SEMA3A: variants seen among roughly 807,000 people sequenced by gnomAD.
SEMA3A encodes the protein semaphorin-3A.
In SEMA3A, 29 loss-of-function variants were observed where a neutral mutation model predicts 97.9. That is an observed-to-expected ratio of 0.30 (90% CI 0.22 to 0.40). SEMA3A has a LOEUF of 0.40. Among genes scored for constraint, SEMA3A ranks in the 10% least tolerant of loss-of-function variants. The probability of loss-of-function intolerance (pLI) is 1.00; values close to 1 mark genes in which losing one functional copy is unlikely to be tolerated. For missense variants in SEMA3A, 763 were observed against 951.3 expected (o/e 0.80, Z 2.60); for synonymous variants, 321 against 323.7 (o/e 0.99, Z 0.09).
intron 3 of SEMA3A, among the ~76,000 whole-genome samples, chr7:84,251,328 G>A (rs10954751): frequency 0.35 from 52,463 of 151,986 alleles, 10,248 homozygotes; most frequent in Middle Eastern, 0.46. Flanking sequence ...TGGAATTTCC[G>A]ATTGAGGAAT....
At chr7:84,420,586 T>TTGATAAA (rs1475220180) in intron 1 of SEMA3A, among the ~76,000 whole-genome samples, 54 of 152,042 alleles carry the variant, frequency 3.6e-4, no homozygotes, top group African/African-American at 1.2e-3. Flanking sequence ...CAAAAACTTT[T>TTGATAAA]CTTATTTGAT....
intron 2 of SEMA3A, among the ~76,000 whole-genome samples, chr7:84,316,829 C>T (rs1173931856): frequency 6.6e-6 from 1 of 152,032 alleles, no homozygotes; most frequent in African/African-American, 2.4e-5. Context: ...ACAATCAAGC[C>T]GATTAAACTG....
At chr7:84,195,743 C>A (rs1798211432), upstream of SEMA3A, among the ~76,000 whole-genome samples, 1 of 152,144 alleles carries the variant, frequency 6.6e-6, no homozygotes, top group Admixed American at 6.6e-5. Flanking sequence ...TTCAATGCAT[C>A]ACATCTCATT....
At chr7:84,410,320 A>G (rs1190488916) in intron 1 of SEMA3A, among the ~76,000 whole-genome samples, 1 of 150,236 alleles carries the variant, frequency 6.7e-6, no homozygotes, top group African/African-American at 2.5e-5. Context: ...GTTTTTCATC[A>G]GGGGGTCATT....
intron 3 of SEMA3A, among the ~76,000 whole-genome samples, chr7:84,225,448 C>G (rs1360121779): frequency 2.4e-4 from 36 of 152,084 alleles, no homozygotes; most frequent in Non-Finnish European, 5.9e-5. Flanking sequence ...TTTGCGTGAC[C>G]CATACGAAAG....
At chr7:84,026,380 T>G (rs1791544471) in intron 6 of SEMA3A, among the ~76,000 whole-genome samples, 1 of 152,334 alleles carries the variant, frequency 6.6e-6, no homozygotes, top group East Asian at 1.9e-4. Context: ...ATTTTTCACT[T>G]ATTTATTTGT....
intron 4 of SEMA3A, among the ~76,000 whole-genome samples, chr7:84,103,624 T>A (rs1268997397): frequency 6.6e-6 from 1 of 152,066 alleles, no homozygotes; most frequent in Admixed American, 6.5e-5. Flanking sequence ...TTCTTATATT[T>A]TAAAAAAATA....
chr7:84,225,888 G>A (rs1798978899), intron 3 of SEMA3A, among the ~76,000 whole-genome samples: 1 of 152,108 alleles, frequency 6.6e-6, no homozygotes, highest in Non-Finnish European at 1.5e-5. Context: ...GAAGATTAAT[G>A]GGCTAATTTC....
chr7:84,352,844 T>C (rs1802468427), intron 2 of SEMA3A, among the ~76,000 whole-genome samples: 1 of 151,886 alleles, frequency 6.6e-6, no homozygotes, highest in African/African-American at 2.4e-5. Flanking sequence ...ATTCATTACA[T>C]CCACAACTAT....
intron 5 of SEMA3A, among the ~76,000 whole-genome samples, chr7:84,051,779 G>GT (rs757453503): frequency 2.7e-3 from 415 of 152,098 alleles, no homozygotes; most frequent in Non-Finnish European, 3.0e-3. Context: ...GGGCATCCCT[G>GT]TATTGTGCCA....
chr7:84,470,635 C>A (rs1409141761), intron 1 of SEMA3A, among the ~76,000 whole-genome samples: 1 of 151,956 alleles, frequency 6.6e-6, no homozygotes, highest in African/African-American at 2.4e-5. Flanking sequence ...CAGATCATGG[C>A]TAATACTTAC....
intron 1 of SEMA3A, among the ~76,000 whole-genome samples, chr7:84,463,561 A>C (rs547345018): frequency 1.1e-3 from 168 of 152,002 alleles, no homozygotes; most frequent in African/African-American, 3.9e-3. Context: ...TTTTGTAACT[A>C]TTTAGCTTTG....
intron 2 of SEMA3A, among the ~76,000 whole-genome samples, chr7:84,329,017 G>A (rs185708377): frequency 1.4e-3 from 211 of 151,764 alleles, no homozygotes; most frequent in African/African-American, 4.8e-3. Flanking sequence ...TGTGCAGAAC[G>A]TGCAGGTTTG....
chr7:84,260,892 A>C (rs1364888177), intron 3 of SEMA3A, among the ~76,000 whole-genome samples: 1 of 152,186 alleles, frequency 6.6e-6, no homozygotes, highest in Non-Finnish European at 1.5e-5. Context: ...GGACTTCCTG[A>C]AGCCTGAGGC....
In SEMA3A at chr7:84,265,468, G is replaced by GAATAT. The variant is rs1190802763; in HGVS notation, c.-83+41734_-83+41738dup. On this transcript the variant is annotated intron_variant, in intron 3 of 3. Transcript: ENST00000424555. ...TTAAATATAATATATTATACAAGATGAATATATCTTATATATAAAATATAT... is the reference window on the plus strand; with the variant it reads ...TTAAATATAATATATTATACAAGATGAATATAATATATCTTATATATAAAATATAT... 3.5e-5 allele frequency among the ~76,000 whole-genome samples: 5 copies of GAATAT among 144,642 alleles called. 1 individual carries two copies. Among genetic ancestry groups the GAATAT allele is most frequent in the African/African-American group, 1.3e-4 (5 of 39,692 alleles). The allele number at this position is 144,642 out of a possible 152,430, so 94.9% of individuals were successfully genotyped here. A position where few individuals can be genotyped will look rare whatever the true frequency, so the allele number is the denominator to read the frequency against.
intron 5 of SEMA3A, among the ~76,000 whole-genome samples, chr7:84,051,479 A>G (rs1239433474): frequency 1.3e-5 from 2 of 152,124 alleles, no homozygotes; most frequent in African/African-American, 2.4e-5. Flanking sequence ...GCAATTGTGA[A>G]TGGGAGTTCA....
At chr7:84,096,600 A>T (rs558696587) in intron 4 of SEMA3A, among the ~76,000 whole-genome samples, 70 of 152,180 alleles carry the variant, frequency 4.6e-4, no homozygotes, top group African/African-American at 1.5e-3. Flanking sequence ...ATATTATTAA[A>T]TTTTTTAGAC....
chr7:84,011,816 T>A (rs1185955356), intron 7 of SEMA3A, among the ~76,000 whole-genome samples: 1 of 152,198 alleles, frequency 6.6e-6, no homozygotes, highest in Non-Finnish European at 1.5e-5. Context: ...GTTGATTTAA[T>A]TATTACACAT....
chr7:84,269,737 A>T (rs1800096645), intron 3 of SEMA3A, among the ~76,000 whole-genome samples: 1 of 152,050 alleles, frequency 6.6e-6, no homozygotes, highest in Non-Finnish European at 1.5e-5. Context: ...TTAGAGCTTC[A>T]TTTTCTAAAT....
Sources: gnomAD v4.1 joint callset for allele counts (sites outside exome capture counted in the v4.1 genomes callset) on GRCh38, gnomAD v4.1.1 for gene constraint, MANE v1.5 for transcripts, NCBI Gene and HGNC (gene_info 2026-07-23, HGNC 2026-07-21) for gene names.